SPTB: variants seen among roughly 807,000 people sequenced by gnomAD.
The protein encoded by SPTB is spectrin beta chain, erythrocytic.
Under a neutral mutation model 256.2 loss-of-function variants are expected in SPTB, and 45 were observed. That is an observed-to-expected ratio of 0.18 (90% CI 0.14 to 0.23). The LOEUF (loss-of-function observed/expected upper bound fraction) is 0.23, where lower values mean the gene tolerates loss of function less well. Among genes scored for constraint, SPTB ranks in the 10% least tolerant of loss-of-function variants. The pLI is 1.00. For synonymous variants in SPTB, 1,231 were observed against 1,243.1 expected, an observed-to-expected ratio of 0.99 and a Z score of 0.21; for missense variants, 2,715 against 3,040.4, an observed-to-expected ratio of 0.89 and a Z score of 2.52.
rs769093499 is a variant in SPTB, at chr14:64,767,904, C to T, written c.6023-45G>A. 14 of 1,604,880 alleles carry T rather than the reference C, an allele frequency of 8.7e-6. 1 individual carries two copies. The South Asian group carries it at 1.4e-4, about 16-fold the overall frequency. ...ACAGACCCCCCACAAGGCCCAGGGC[C>T]TGTTAGCACCCAATCGTTCACTCCT... is the stretch of plus-strand genomic sequence containing the variant. On this transcript the variant is annotated intron_variant, in intron 29 of 35. Coordinates refer to ENST00000644917, the MANE Select transcript of SPTB (RefSeq NM_001355436.2).
At chr14:64,811,459 T>C (rs1172982107) in intron 2 of SPTB, among the ~76,000 whole-genome samples, 1 of 152,224 alleles carries the variant, frequency 6.6e-6, no homozygotes, top group Admixed American at 6.5e-5. Flanking sequence ...AAAATCTGAA[T>C]ATCAAGTGTA....
At position 64,766,503 on chromosome 14, in the gene SPTB, T is replaced by C. The variant is rs532113215; in HGVS notation, c.6345+223A>G. The C allele has an allele frequency of 2.1e-6, 3 of 1,454,904 alleles. No individual in the cohort carries two copies. The African/African-American group carries it at 4.3e-5, about 21-fold the overall frequency. 90.1% of individuals were successfully genotyped at this position (1,454,904 alleles called of 1,614,324 possible). On this transcript the variant is annotated intron_variant, in intron 32 of 35. Coordinates refer to ENST00000644917, the MANE Select transcript of SPTB (RefSeq NM_001355436.2). ...CATGTCACTGGGCTGGCCTGTTTCC[T>C]CTGCGCTGTGGGGAGGAGTGGAGGA...
At chr14:64,870,717 A>G (rs1280441654) in intron 1 of SPTB, among the ~76,000 whole-genome samples, 1 of 152,258 alleles carries the variant, frequency 6.6e-6, no homozygotes, top group East Asian at 1.9e-4. Context: ...TTAAAATTGC[A>G]TGGACGGGTT....
In SPTB at chr14:64,746,793, A is replaced by G. The variant is rs2081850746; in HGVS notation, c.*2513T>C. ...CTTGCCCAGAAGGAGCTTCCTCTAA[A>G]CTGCCCTGGGAAGGAAGCCTGGTAT... On this transcript the variant is annotated 3_prime_UTR_variant, in exon 36 of 36. Coordinates refer to ENST00000644917, the MANE Select transcript of SPTB (RefSeq NM_001355436.2). The surrounding 1 kb of genome is among the most constrained non-coding windows in gnomAD (Gnocchi z 4.9). 1 of 152,594 alleles carries G rather than the reference A, an allele frequency of 6.6e-6. No individual in the cohort carries two copies. Among genetic ancestry groups the G allele is most frequent in the Admixed American group, 6.6e-5 (1 of 15,264 alleles). The allele number at this position is 152,594 out of a possible 1,614,324, so 9.5% of individuals were successfully genotyped here.
intron 1 of SPTB, among the ~76,000 whole-genome samples, chr14:64,864,979 T>G (rs1015230179): frequency 1.2e-4 from 19 of 152,168 alleles, no homozygotes; most frequent in African/African-American, 4.6e-4. Flanking sequence ...ATAAGGGAGC[T>G]GAACAAGATG....
chr14:64,774,412 G>A lies in SPTB; in HGVS notation c.4958C>T (p.Ala1653Val), dbSNP rs1261470871. ...LASRAQGLLS[A>V]GHPEGEQIIR... is the part of the protein sequence containing the mutation. ...GCGCACGCACCCCTCAGGGTGGCCTGCAGACAGCAGGCCCTGGGCCCGGCT... is the reference window on the plus strand; with the variant it reads ...GCGCACGCACCCCTCAGGGTGGCCTACAGACAGCAGGCCCTGGGCCCGGCT... The change falls in exon 24 of 36, where the codon GCA becomes GTA. Residue 1653 changes from alanine (A) to valine (V), a missense_variant. Ala to Val is a moderately conservative substitution (Grantham distance 64, BLOSUM62 0). This residue lies in a region of SPTB where 2,239 missense variants were observed against 2,384.4 expected (regional missense o/e 0.94). Coordinates refer to ENST00000644917, the MANE Select transcript of SPTB (RefSeq NM_001355436.2). 1.3e-6 allele frequency: 2 copies of A among 1,585,262 alleles called. No individual in the cohort carries two copies. The highest frequency in any genetic ancestry group is 1.7e-6 in the Non-Finnish European group (2 of 1,166,432).
At position 64,802,389 on chromosome 14, in the gene SPTB, G is replaced by GA. The variant is rs756224451; in HGVS notation, c.475-73dup. 42 of 1,434,246 alleles carry GA rather than the reference G, an allele frequency of 2.9e-5. No homozygotes were observed. The highest frequency in any genetic ancestry group is 3.5e-4 in the Middle Eastern group (2 of 5,780). The allele number at this position is 1,434,246 out of a possible 1,614,324, so 88.8% of individuals were successfully genotyped here. A position where few individuals can be genotyped will look rare whatever the true frequency, so the allele number is the denominator to read the frequency against. On this transcript the variant is annotated intron_variant, in intron 4 of 35. Coordinates refer to ENST00000644917, the MANE Select transcript of SPTB (RefSeq NM_001355436.2). This position sits in a 1 kb window ranked among gnomAD's most constrained non-coding sequence, Gnocchi z 5.1. ...ATCTGTGCTTTCCTGCCGTCCCTGG[G>GA]AGGCTCCCTCCCTCATCCCCCCTTC...
chr14:64,792,891 CT>C lies in SPTB; in HGVS notation c.2666+105del. The stretch of plus-strand genomic sequence containing the variant: ...TTTGCAACAAAGGACATCCCAGGGC[CT>C]CTCAAAGAGACCTTTGCTGATCCAG... On this transcript the variant is annotated intron_variant, in intron 14 of 35. Coordinates refer to ENST00000644917, the MANE Select transcript of SPTB (RefSeq NM_001355436.2). This position sits in a 1 kb window ranked among gnomAD's most constrained non-coding sequence, Gnocchi z 4.2. The C allele has an allele frequency of 6.6e-7, 1 of 1,512,830 alleles. No homozygotes were observed. Among genetic ancestry groups the C allele is most frequent in the South Asian group, 1.2e-5 (1 of 85,500 alleles). The allele number at this position is 1,512,830 out of a possible 1,614,324, so 93.7% of individuals were successfully genotyped here.
Position 64,775,668 on chromosome 14 carries a change from G to A in SPTB, c.4564-265C>T, listed in dbSNP as rs576696241. Among the ~76,000 whole-genome samples, 5 of 152,352 alleles carry A rather than the reference G, an allele frequency of 3.3e-5. No individual in the cohort carries two copies. In the South Asian group the frequency reaches 8.3e-4, roughly 25 times the overall value. On this transcript the variant is annotated intron_variant, in intron 22 of 35. Coordinates refer to ENST00000644917, the MANE Select transcript of SPTB (RefSeq NM_001355436.2). This position sits in a 1 kb window ranked among gnomAD's most constrained non-coding sequence, Gnocchi z 5.0. ...AGTGAAGTCACTCAGTGGCAGAGCC[G>A]GAGTTGAACACAGCTCCACCTGACC...
rs950031824 is a variant in SPTB at position 64,790,768 on chromosome 14, G to A, written c.2804+951C>T. Among the ~76,000 whole-genome samples, 3 of 152,204 alleles carry A rather than the reference G, an allele frequency of 2.0e-5. No homozygotes were observed. Among genetic ancestry groups the A allele is most frequent in the African/African-American group, 7.2e-5 (3 of 41,450 alleles). On this transcript the variant is annotated intron_variant, in intron 15 of 35. Transcript: ENST00000644917. This position sits in a 1 kb window ranked among gnomAD's most constrained non-coding sequence, Gnocchi z 4.8. ...GTGGTGAACATGTGGCATTGCATGTGCAGGGCCCACGGTAAAGACAGGGAA... is the reference window on the plus strand; with the variant it reads ...GTGGTGAACATGTGGCATTGCATGTACAGGGCCCACGGTAAAGACAGGGAA...
rs924221479 is a variant in SPTB, at chr14:64,772,074, C to T, written c.5553+506G>A. Among the ~76,000 whole-genome samples the T allele has an allele frequency of 2.6e-5, 4 of 152,220 alleles. No individual in the cohort carries two copies. Among genetic ancestry groups the T allele is most frequent in the African/African-American group, 7.2e-5 (3 of 41,450 alleles). ...GCTCTCCAGCTCCCATGTGGAAAGG[C>T]TGAAGTGCCCGGTGGCTAAGTATGT... On this transcript the variant is annotated intron_variant, in intron 26 of 35. Transcript: ENST00000644917. The surrounding 1 kb of genome is among the most constrained non-coding windows in gnomAD (Gnocchi z 5.4).
chr14:64,842,889 G>A (rs1426445429), intron 1 of SPTB, among the ~76,000 whole-genome samples: 2 of 152,138 alleles, frequency 1.3e-5, no homozygotes, highest in African/African-American at 4.8e-5. Flanking sequence ...GGGAAACAGA[G>A]AGACCCTGTC....
chr14:64,805,391 T>C (rs2082964998), intron 2 of SPTB, among the ~76,000 whole-genome samples: 1 of 152,168 alleles, frequency 6.6e-6, no homozygotes, highest in Non-Finnish European at 1.5e-5. Context: ...CTCTGTACTG[T>C]TGTGCCATTG....
At chr14:64,769,554 C>T (rs376565493) in intron 28 of SPTB, 36 bp downstream of exon 28, 42 of 1,611,894 alleles carry the variant, frequency 2.6e-5, no homozygotes, top group East Asian at 1.1e-4. Flanking sequence ...GGGACGGAGA[C>T]GGAGGAGCTC....
chr14:64,847,407 G>C lies in SPTB; in HGVS notation c.-51-24262C>G, dbSNP rs1244900885. On this transcript the variant is annotated intron_variant, in intron 1 of 35. Coordinates refer to ENST00000644917, the MANE Select transcript of SPTB (RefSeq NM_001355436.2). The surrounding 1 kb of genome is among the most constrained non-coding windows in gnomAD (Gnocchi z 5.9). ...AGAGGACCCCGATGTGGGCATCTAGGGGAGAATTTTCCAACCTGTGTCCAG... is the reference window on the plus strand; with the variant it reads ...AGAGGACCCCGATGTGGGCATCTAGCGGAGAATTTTCCAACCTGTGTCCAG... Among the ~76,000 whole-genome samples the C allele has an allele frequency of 1.3e-5, 2 of 152,196 alleles. No homozygotes were observed. The highest frequency in any genetic ancestry group is 2.9e-5 in the Non-Finnish European group (2 of 68,032).
At position 64,766,813 on chromosome 14, in the gene SPTB, ACAGTCTCT is replaced by A. The variant is rs778989034; in HGVS notation, c.6270-20_6270-13del. The A allele has an allele frequency of 4.3e-6, 7 of 1,609,300 alleles. No homozygotes were observed. Among genetic ancestry groups the A allele is most frequent in the Non-Finnish European group, 4.2e-6 (5 of 1,179,398 alleles). ...CCTCCTCTTGAGGCCTAAGGAAGACACAGTCTCTCTTTAGAAACAAGCACCCCTCTGAG... is the reference window on the plus strand; with the variant it reads ...CCTCCTCTTGAGGCCTAAGGAAGACACTTTAGAAACAAGCACCCCTCTGAG... On this transcript the variant is annotated splice_polypyrimidine_tract_variant and intron_variant, in intron 31 of 35. Transcript: ENST00000644917.
chr14:64,751,945 T>A lies in SPTB; in HGVS notation c.6602+1592A>T, dbSNP rs868719352. On this transcript the variant is annotated intron_variant, in intron 33 of 35. Transcript: ENST00000644917. ...AAAAATGCAAAAAAAAAAAAAAAAA[T>A]TAGCCAGGCGTGGTGGCACGTGCCT... Among the ~76,000 whole-genome samples, 197 of 78,602 alleles carry A rather than the reference T, an allele frequency of 2.5e-3. 15 individuals carry two copies. Among genetic ancestry groups the A allele is most frequent in the African/African-American group, 9.4e-3 (171 of 18,254 alleles). The allele number at this position is 78,602 out of a possible 152,430, so 51.6% of individuals were successfully genotyped here. A position where few individuals can be genotyped will look rare whatever the true frequency, so the allele number is the denominator to read the frequency against.
intron 1 of SPTB, among the ~76,000 whole-genome samples, chr14:64,875,690 A>C (rs1882788667): frequency 6.6e-6 from 1 of 152,262 alleles, no homozygotes; most frequent in Admixed American, 6.5e-5. Context: ...GTTAAAATCA[A>C]CTGAGTCAAT....
At chr14:64,750,393 T>C in intron 33 of SPTB, 1 of 499,038 alleles carries the variant, frequency 2.0e-6, no homozygotes, top group Non-Finnish European at 3.5e-6. Flanking sequence ...TAGTCACAGA[T>C]AGCTAAAACT....
Sources: gnomAD v4.1 joint callset for allele counts (sites outside exome capture counted in the v4.1 genomes callset) on GRCh38, gnomAD v4.1.1 for gene constraint, gnomAD v4.1.1 regional missense constraint, Gnocchi (gnomAD v3.1) non-coding constraint, MANE v1.5 for transcripts, NCBI Gene and HGNC (gene_info 2026-07-23, HGNC 2026-07-21) for gene names.